NOTCH2: variants seen among roughly 807,000 people sequenced by gnomAD.
NOTCH2 encodes neurogenic locus notch homolog protein 2.
NOTCH2 carries 29 observed loss-of-function variants against 235.8 expected under a neutral mutation model. The observed-to-expected ratio is 0.12, with a 90% CI of 0.09 to 0.17. NOTCH2 has a LOEUF of 0.17. NOTCH2 is among the 10% of genes least tolerant of loss of function. The pLI, the probability that NOTCH2 is intolerant of heterozygous loss-of-function variation, is 1.00. For synonymous variants in NOTCH2, 1,086 were observed against 1,141.5 expected (o/e 0.95, Z 0.98); for missense variants, 2,285 against 3,150.2 (o/e 0.73, Z 6.57).
intron 19 of NOTCH2, among the ~76,000 whole-genome samples, chr1:119,939,773 C>T (rs782015355): frequency 4.6e-5 from 7 of 152,212 alleles, no homozygotes; most frequent in Non-Finnish European, 1.0e-4. Flanking sequence ...AAAATGCTCT[C>T]GTGATCCATG....
chr1:119,995,780 T>C (rs1304792828), intron 4 of NOTCH2: 3 of 152,256 alleles, frequency 2.0e-5, no homozygotes, highest in Admixed American at 6.5e-5. Context: ...TGTATAGCTG[T>C]ATTCCAAATA....
intron 22 of NOTCH2, among the ~76,000 whole-genome samples, chr1:119,932,145 C>T (rs1161898568): frequency 6.6e-6 from 1 of 151,972 alleles, no homozygotes; most frequent in African/African-American, 2.4e-5. Flanking sequence ...GATAAATGCA[C>T]ATATTATCCA....
At chr1:119,940,400 C>CCTCCA (rs1650023162) in intron 19 of NOTCH2, among the ~76,000 whole-genome samples, 155 bp downstream of exon 19, 1 of 152,196 alleles carries the variant, frequency 6.6e-6, no homozygotes, top group South Asian at 2.1e-4. Flanking sequence ...ATTTTGGAAT[C>CCTCCA]TGCAAGTTAT....
In NOTCH2 at chr1:119,920,367, C is replaced by G; in HGVS notation, c.5341G>C (p.Asp1781His). 1.2e-6 allele frequency: 2 copies of G among 1,614,202 alleles called. No homozygotes were observed. Among genetic ancestry groups the G allele is most frequent in the Non-Finnish European group, 1.7e-6 (2 of 1,180,040 alleles). Reference sequence around the variant, plus strand: ...CATGGCCGTCGATCAATGGGGTCATCTTCTTCTGAGAGTAAGGCCTCATCT... The same window carrying G: ...CATGGCCGTCGATCAATGGGGTCATGTTCTTCTGAGAGTAAGGCCTCATCT... ...AEDEALLSEE[D>H]DPIDRRPWTQ... Residue 1781 changes from aspartate to histidine, a missense_variant, in exon 30 of 34, where the codon GAT becomes CAT. By Grantham distance (81) the Asp-to-His change is moderately conservative (BLOSUM62 -1). This residue lies in a region of NOTCH2 where 1,173 missense variants were observed against 1,515.3 expected (regional missense o/e 0.77). Transcript: ENST00000256646.
At chr1:119,954,214 A>G (rs1224539154) in intron 13 of NOTCH2, among the ~76,000 whole-genome samples, 1 of 152,168 alleles carries the variant, frequency 6.6e-6, no homozygotes, top group Non-Finnish European at 1.5e-5. Flanking sequence ...GAATGAAGGT[A>G]TTTGAATTGT....
intron 1 of NOTCH2, among the ~76,000 whole-genome samples, chr1:120,046,064 A>C (rs1407956753): frequency 6.6e-6 from 1 of 150,914 alleles, no homozygotes; most frequent in African/African-American, 2.4e-5. Context: ...ATGCTTTAAA[A>C]ATGTTTTTCT....
intron 2 of NOTCH2, among the ~76,000 whole-genome samples, chr1:120,010,633 A>C (rs1287280507): frequency 6.6e-6 from 1 of 151,856 alleles, no homozygotes; most frequent in African/African-American, 2.4e-5. Flanking sequence ...TTAGAACACT[A>C]TCCAGCACAT....
intron 9 of NOTCH2, among the ~76,000 whole-genome samples, chr1:119,966,066 GA>G (rs1481400965): frequency 1.3e-5 from 2 of 152,030 alleles, no homozygotes; most frequent in African/African-American, 2.4e-5. Flanking sequence ...TGACCCATGG[GA>G]AAAAAATAAA....
chr1:120,017,837 C>A (rs1376758867), intron 2 of NOTCH2, among the ~76,000 whole-genome samples: 1 of 151,196 alleles, frequency 6.6e-6, no homozygotes, highest in African/African-American at 2.4e-5. Context: ...TTCCCTCTTG[C>A]ACTTTTATTA....
chr1:119,983,100 ATTATG>A (rs1269926733), intron 5 of NOTCH2, among the ~76,000 whole-genome samples: 3 of 152,210 alleles, frequency 2.0e-5, no homozygotes, highest in Non-Finnish European at 4.4e-5. Context: ...TAATTTTAAT[ATTATG>A]TTATATTTAA....
intron 19 of NOTCH2, among the ~76,000 whole-genome samples, chr1:119,938,741 C>T (rs1391476759): frequency 3.3e-5 from 5 of 151,550 alleles, no homozygotes; most frequent in Non-Finnish European, 4.4e-5. Context: ...AGTGCAGTGG[C>T]GCTATCTCCG....
intron 22 of NOTCH2, among the ~76,000 whole-genome samples, chr1:119,931,033 G>A (rs1275276342): frequency 2.0e-5 from 3 of 147,774 alleles, no homozygotes; most frequent in Non-Finnish European, 3.0e-5. Context: ...AACCTGGGAG[G>A]TGGAGCTTGC....
rs1252920034 is a variant in NOTCH2 at position 120,069,330 on chromosome 1, T to G, written c.73+4A>C. Reference sequence around the variant, plus strand: ...CGGACAGCGCCCCTCAGCCCGATACTCACCATGCGCGGGGGCCGCGCAGCA... The same window carrying G: ...CGGACAGCGCCCCTCAGCCCGATACGCACCATGCGCGGGGGCCGCGCAGCA... On this transcript the variant is annotated splice_donor_region_variant and intron_variant, in intron 1 of 33. Transcript: ENST00000256646. 2 of 1,566,062 alleles carry G rather than the reference T, an allele frequency of 1.3e-6. No individual in the cohort carries two copies. Among genetic ancestry groups the G allele is most frequent in the Non-Finnish European group, 1.7e-6 (2 of 1,164,446 alleles).
intron 2 of NOTCH2, among the ~76,000 whole-genome samples, chr1:120,007,634 G>A (rs1461413435): frequency 6.6e-6 from 1 of 151,790 alleles, no homozygotes; most frequent in East Asian, 1.9e-4. Context: ...AGGTTGCAGT[G>A]AGCCAACGAG....
intron 3 of NOTCH2, among the ~76,000 whole-genome samples, chr1:120,000,235 A>T (rs1181735292): frequency 6.6e-6 from 1 of 151,844 alleles, no homozygotes; most frequent in Non-Finnish European, 1.5e-5. Context: ...TAGCATATGT[A>T]TAAAAGATGA....
intron 5 of NOTCH2, among the ~76,000 whole-genome samples, chr1:119,974,464 G>A (rs1391158931): frequency 1.7e-4 from 26 of 152,180 alleles, no homozygotes; most frequent in African/African-American, 6.0e-4. Context: ...GGAATAATCT[G>A]AAATGAAATG....
intron 22 of NOTCH2, among the ~76,000 whole-genome samples, chr1:119,932,337 C>T (rs1025517485): frequency 6.6e-6 from 1 of 152,136 alleles, no homozygotes; most frequent in Non-Finnish European, 1.5e-5. Context: ...CCTGTCATCC[C>T]AGCACTTTGG....
At chr1:120,006,858 C>A (rs1557843754) in intron 2 of NOTCH2, among the ~76,000 whole-genome samples, 1 of 152,136 alleles carries the variant, frequency 6.6e-6, no homozygotes, top group African/African-American at 2.4e-5. Flanking sequence ...ACAGTCATAT[C>A]CAAGACCTTT....
At chr1:119,952,456 C>T (rs1444328034) in intron 14 of NOTCH2, among the ~76,000 whole-genome samples, 2 of 152,066 alleles carry the variant, frequency 1.3e-5, no homozygotes, top group African/African-American at 4.8e-5. Flanking sequence ...GCTTGTTTTC[C>T]TGCCACTAGA....
Sources: gnomAD v4.1 joint callset for allele counts (sites outside exome capture counted in the v4.1 genomes callset) on GRCh38, gnomAD v4.1.1 for gene constraint, gnomAD v4.1.1 regional missense constraint, MANE v1.5 for transcripts, NCBI Gene and HGNC (gene_info 2026-07-23, HGNC 2026-07-21) for gene names.